Variants in HEPHL1 observed in about 807,000 individuals in gnomAD.
HEPHL1 encodes ferroxidase HEPHL1.
HEPHL1 carries 123 observed loss-of-function variants against 122.0 expected under a neutral mutation model. That is an observed-to-expected ratio of 1.01 (90% confidence interval 0.87 to 1.17). The LOEUF (loss-of-function observed/expected upper bound fraction) is 1.17. HEPHL1 is among the 50% of genes most tolerant of loss of function. HEPHL1 has a pLI of 0.00. For missense variants in HEPHL1, 1,452 were observed against 1,430.5 expected (o/e 1.01, Z -0.24); for synonymous variants, 527 against 508.9 (o/e 1.04, Z -0.48).
At chr11:94,067,459 A>T (rs1565353359) in intron 4 of HEPHL1, 37 bp from the exon 5 acceptor site, 1 of 1,604,394 alleles carries the variant, frequency 6.2e-7, no homozygotes, top group South Asian at 1.1e-5. Flanking sequence ...TCGCCTCTGC[A>T]GGGGAGTCTC....
intron 17 of HEPHL1, among the ~76,000 whole-genome samples, chr11:94,106,383 C>G (rs1246908345): frequency 1.3e-5 from 2 of 151,626 alleles, no homozygotes; most frequent in African/African-American, 4.8e-5. Flanking sequence ...AGCTCCACCT[C>G]CCGGGTTCAT....
intron 15 of HEPHL1, 116 bp downstream of exon 15, chr11:94,103,136 T>G: frequency 1.5e-6 from 1 of 672,120 alleles, no homozygotes; most frequent in East Asian, 2.8e-5. Context: ...AGAGCAAGGG[T>G]CTCATACTAT....
intron 1 of HEPHL1, among the ~76,000 whole-genome samples, chr11:94,022,785 G>T (rs1000374853): frequency 2.6e-5 from 4 of 152,236 alleles, no homozygotes; most frequent in Non-Finnish European, 5.9e-5. Flanking sequence ...GGATTGAAAG[G>T]GTACCAAAAA....
rs1946046079 is a variant in HEPHL1, at chr11:94,067,752, T to TA, written c.1063+7dup. ...GCCAGGTCAGCGACCACCTACAAGGTAAAAAGGATAAAGACCAGAGTTGAT... is the reference window on the plus strand; with the variant it reads ...GCCAGGTCAGCGACCACCTACAAGGTAAAAAAGGATAAAGACCAGAGTTGAT... On this transcript the variant is annotated splice_region_variant and intron_variant, in intron 5 of 19. Coordinates refer to ENST00000315765, the MANE Select transcript of HEPHL1 (RefSeq NM_001098672.2). 1.2e-6 allele frequency: 2 copies of TA among 1,612,710 alleles called. No individual in the cohort carries two copies. The highest frequency in any genetic ancestry group is 8.5e-7 in the Non-Finnish European group (1 of 1,179,486).
intron 12 of HEPHL1, among the ~76,000 whole-genome samples, chr11:94,092,719 A>G (rs1182314691): frequency 2.0e-5 from 3 of 152,120 alleles, no homozygotes; most frequent in Non-Finnish European, 2.9e-5. Context: ...AGTGTTAATG[A>G]GCTCAACAGT....
intron 15 of HEPHL1, among the ~76,000 whole-genome samples, chr11:94,104,150 G>A (rs1195678918): frequency 6.6e-6 from 1 of 152,136 alleles, no homozygotes; most frequent in Non-Finnish European, 1.5e-5. Flanking sequence ...TGAAAATAGG[G>A]AAGTAGAGGG....
chr11:94,094,213 T>G (rs1044129256), intron 13 of HEPHL1, among the ~76,000 whole-genome samples: 17 of 151,666 alleles, frequency 1.1e-4, no homozygotes, highest in Admixed American at 9.2e-4. Flanking sequence ...ATGTTCTCAT[T>G]GTTCAATTTC....
At chr11:94,062,777 C>G (rs1185221943) in intron 2 of HEPHL1, among the ~76,000 whole-genome samples, 1 of 151,972 alleles carries the variant, frequency 6.6e-6, no homozygotes, top group Non-Finnish European at 1.5e-5. Context: ...TGGTTTTTAT[C>G]CTATTTTTAG....
At chr11:94,072,822 G>T (rs573665388) in intron 6 of HEPHL1, among the ~76,000 whole-genome samples, 52 of 152,242 alleles carry the variant, frequency 3.4e-4, no homozygotes, top group Non-Finnish European at 6.8e-4. Flanking sequence ...ATGGCTGAGA[G>T]AAATGAGCTT....
intron 13 of HEPHL1, among the ~76,000 whole-genome samples, chr11:94,096,131 A>C (rs926087678): frequency 2.0e-5 from 3 of 152,170 alleles, no homozygotes; most frequent in African/African-American, 7.2e-5. Flanking sequence ...GTTTTTGCCC[A>C]TTCAGTATGA....
chr11:94,084,619 T>G (rs1015206763), intron 10 of HEPHL1, among the ~76,000 whole-genome samples: 2 of 152,156 alleles, frequency 1.3e-5, no homozygotes, highest in Non-Finnish European at 2.9e-5. Context: ...GATGAGTGAC[T>G]GTTGTAGAAA....
At chr11:94,034,551 A>C (rs1195343887) in intron 1 of HEPHL1, among the ~76,000 whole-genome samples, 1 of 152,164 alleles carries the variant, frequency 6.6e-6, no homozygotes, top group African/African-American at 2.4e-5. Flanking sequence ...ATTATTTAAT[A>C]CAAAGGCTAT....
chr11:94,056,656 ATTATCTATCTATCTATCTATCTATC>A (rs1242805645), intron 2 of HEPHL1, among the ~76,000 whole-genome samples: 3 of 106,966 alleles, frequency 2.8e-5, no homozygotes, highest in African/African-American at 1.1e-4. Flanking sequence ...GCTATTATTG[ATTATCTATCTATCTATCTATCTATC>A]TATCTATCTA....
At chr11:94,031,292 T>G (rs372895864) in intron 1 of HEPHL1, among the ~76,000 whole-genome samples, 287 of 151,898 alleles carry the variant, frequency 1.9e-3, no homozygotes, top group African/African-American at 6.6e-3. Context: ...CTGGTCACTT[T>G]CCAGATGTAT....
In HEPHL1 at chr11:94,112,184, C is replaced by G; in HGVS notation, c.*290C>G. 1 of 283,630 alleles carries G rather than the reference C, an allele frequency of 3.5e-6. No homozygotes were observed. 17.6% of individuals were successfully genotyped at this position (283,630 alleles called of 1,614,324 possible). ...GGTTGGATTCACTGAATAGGAGACA[C>G]TCTGAAAGATATCTTTATATTCCAT... On this transcript the variant is annotated 3_prime_UTR_variant, in exon 20 of 20. Coordinates refer to ENST00000315765, the MANE Select transcript of HEPHL1 (RefSeq NM_001098672.2).
In HEPHL1 at chr11:94,067,749, A is replaced by G; in HGVS notation, c.1062A>G (p.Gln354=). 2 of 1,613,248 alleles carry G rather than the reference A, an allele frequency of 1.2e-6. No homozygotes were observed. The highest frequency in any genetic ancestry group is 1.7e-6 in the Non-Finnish European group (2 of 1,179,580). ...CCTGCCAGGTCAGCGACCACCTACA[A>G]GGTAAAAAGGATAAAGACCAGAGTT... ...MITCQVSDHL[Q]AGMLGQYNVD... The change falls in exon 5 of 20, where the codon CAA becomes CAG. Residue 354 remains glutamine, a splice_region_variant and synonymous_variant. Coordinates refer to ENST00000315765, the MANE Select transcript of HEPHL1 (RefSeq NM_001098672.2).
chr11:94,046,091 CTTT>C (rs755367459), intron 2 of HEPHL1, among the ~76,000 whole-genome samples, 174 bp downstream of exon 2: 6 of 65,048 alleles, frequency 9.2e-5, no homozygotes, highest in Non-Finnish European at 1.0e-4. Flanking sequence ...CCCTTTCTTG[CTTT>C]TTTTTTTTTT....
Position 94,091,387 on chromosome 11 carries a change from C to T in HEPHL1, c.2295-2114C>T, listed in dbSNP as rs76462927. On this transcript the variant is annotated intron_variant, in intron 12 of 19. Transcript: ENST00000315765. ...GTTTGCAGTGGAGAAAGCTGGGAAA[C>T]GGTGGAATGTGGCTACAGGTTCTGC... Among the ~76,000 whole-genome samples the T allele has an allele frequency of 4.3e-4, 66 of 152,214 alleles. 1 individual carries two copies. In the East Asian group the frequency reaches 0.01, roughly 24 times the overall value.
chr11:94,037,379 GGCCT>G (rs1365098692), intron 1 of HEPHL1, among the ~76,000 whole-genome samples: 1 of 151,894 alleles, frequency 6.6e-6, no homozygotes, highest in Non-Finnish European at 1.5e-5. Flanking sequence ...AGCTCAAGGA[GGCCT>G]GCCTGCCTCT....
Sources: allele counts gnomAD v4.1 joint callset (sites outside exome capture counted in the v4.1 genomes callset), GRCh38; gene constraint gnomAD v4.1.1; transcripts MANE v1.5; gene names NCBI Gene and HGNC (gene_info 2026-07-23, HGNC 2026-07-21).